The following BCAS1 variants were observed in gnomAD, a reference collection of about 807,000 sequenced individuals.
BCAS1 encodes the protein brain enriched myelin associated protein 1, also known as breast carcinoma-amplified sequence 1.
A neutral mutation model predicts 65.4 loss-of-function variants in BCAS1; 46 were observed. The observed-to-expected ratio is 0.70, with a 90% CI of 0.55 to 0.90. The LOEUF (loss-of-function observed/expected upper bound fraction) is 0.90, where lower values mean the gene tolerates loss of function less well. Among genes scored for constraint, BCAS1 ranks in the 40% least tolerant of loss-of-function variants. BCAS1 has a pLI of 0.00. For synonymous variants in BCAS1, 298 were observed against 293.5 expected (o/e 1.02, Z -0.16); for missense variants, 793 against 771.2 (o/e 1.03, Z -0.33).
At chr20:54,055,047 G>C (rs1981134709) in intron 3 of BCAS1, among the ~76,000 whole-genome samples, 1 of 152,118 alleles carries the variant, frequency 6.6e-6, no homozygotes, top group Non-Finnish European at 1.5e-5. Flanking sequence ...AAAAGAGAAA[G>C]TGAGATGGAG....
intron 4 of BCAS1, among the ~76,000 whole-genome samples, chr20:54,001,761 A>G (rs115785169): frequency 6.6e-6 from 1 of 152,336 alleles, no homozygotes; most frequent in African/African-American, 2.4e-5. Flanking sequence ...CTAATCTCAC[A>G]TTTAATTGGC....
chr20:54,060,545 T>C (rs891576611), intron 1 of BCAS1, among the ~76,000 whole-genome samples: 8 of 149,648 alleles, frequency 5.3e-5, no homozygotes, highest in African/African-American at 2.0e-4. Context: ...TGGTCTCGAG[T>C]GCCTGGCCTC....
intron 4 of BCAS1, among the ~76,000 whole-genome samples, chr20:54,007,266 G>A (rs2091218939): frequency 6.6e-6 from 1 of 152,170 alleles, no homozygotes; most frequent in African/African-American, 2.4e-5. Flanking sequence ...GACATACAGG[G>A]GATATCTATT....
rs763771867 is a variant in BCAS1, at chr20:53,966,906, C to T, written c.1485G>A (p.Met495Ile). 2.5e-6 allele frequency: 4 copies of T among 1,605,504 alleles called. No individual in the cohort carries two copies. Among genetic ancestry groups the T allele is most frequent in the Non-Finnish European group, 2.5e-6 (3 of 1,177,430 alleles). The change falls in exon 10 of 13, where the codon ATG (methionine) becomes ATA (isoleucine). Residue 495 changes from methionine (M) to isoleucine (I), a missense_variant and splice_region_variant. Coordinates refer to ENST00000688948, the MANE Select transcript of BCAS1 (RefSeq NM_001366298.2). The stretch of plus-strand genomic sequence containing the variant: ...CCTATACTGGAAGTAAGGGGCTTAC[C>T]ATTTGTCTGAGAAACGCCATCAGAG... Reference protein sequence around the residue: ...RTSLMAFLRQMSVKGDGGITH... With the variant: ...RTSLMAFLRQISVKGDGGITH...
chr20:53,953,287 G>T, intron 12 of BCAS1, 145 bp downstream of exon 12: 1 of 1,019,018 alleles, frequency 9.8e-7, no homozygotes, highest in Non-Finnish European at 1.4e-6. Flanking sequence ...CCTGCTGGAA[G>T]TCACATAGCA....
intron 4 of BCAS1, among the ~76,000 whole-genome samples, chr20:54,015,233 T>C (rs187036667): frequency 6.6e-6 from 1 of 152,114 alleles, no homozygotes; most frequent in African/African-American, 2.4e-5. Flanking sequence ...GGTTTCACCA[T>C]GTTGGCCAGG....
intron 4 of BCAS1, among the ~76,000 whole-genome samples, chr20:54,019,628 A>G (rs1321742690): frequency 6.6e-6 from 1 of 152,014 alleles, no homozygotes; most frequent in Non-Finnish European, 1.5e-5. Flanking sequence ...GGAGAAGAAG[A>G]CCCACCCTCA....
chr20:53,982,407 A>C (rs2090506030), intron 8 of BCAS1, among the ~76,000 whole-genome samples: 2 of 152,186 alleles, frequency 1.3e-5, no homozygotes, highest in Admixed American at 1.3e-4. Flanking sequence ...TTTTTATTTT[A>C]TAATAATAAC....
intron 3 of BCAS1, among the ~76,000 whole-genome samples, chr20:54,049,328 G>T (rs1252402843): frequency 6.6e-6 from 1 of 152,062 alleles, no homozygotes; most frequent in Non-Finnish European, 1.5e-5. Flanking sequence ...TCTGTTTCTG[G>T]AAAATGACGT....
chr20:53,953,767 G>A (rs2089608338), intron 11 of BCAS1, 72 bp from the exon 12 acceptor site: 1 of 1,498,074 alleles, frequency 6.7e-7, no homozygotes, highest in Non-Finnish European at 9.0e-7. Context: ...GAATAAATAT[G>A]TTAAAACAGA....
intron 11 of BCAS1, among the ~76,000 whole-genome samples, chr20:53,954,101 C>A (rs993107405): frequency 9.2e-5 from 14 of 152,130 alleles, no homozygotes; most frequent in Non-Finnish European, 1.6e-4. Context: ...CTGTGATTGG[C>A]TCAGCATAGC....
At chr20:54,035,562 C>G (rs2091887135) in intron 3 of BCAS1, among the ~76,000 whole-genome samples, 2 of 151,008 alleles carry the variant, frequency 1.3e-5, no homozygotes, top group Middle Eastern at 6.9e-3. Context: ...AAATAAGATG[C>G]TGGTGAGGTA....
chr20:54,020,551 A>G (rs576907278), intron 4 of BCAS1, among the ~76,000 whole-genome samples: 2 of 152,344 alleles, frequency 1.3e-5, no homozygotes, highest in Admixed American at 6.5e-5. Context: ...AACAGTCTGA[A>G]AAGTTGAACC....
chr20:54,025,586 A>G (rs906961673), intron 4 of BCAS1, among the ~76,000 whole-genome samples: 2 of 152,156 alleles, frequency 1.3e-5, no homozygotes, highest in Non-Finnish European at 2.9e-5. Flanking sequence ...CTTTCTCCCA[A>G]TTCACAGCTC....
rs143761949 is a variant in BCAS1, at chr20:53,985,530, A to G, written c.1063-31T>C. The G allele has an allele frequency of 2.8e-4, 442 of 1,597,422 alleles. No individual in the cohort carries two copies. The African/African-American group carries it at 5.4e-3, about 20-fold the overall frequency. On this transcript the variant is annotated intron_variant, in intron 7 of 12. Coordinates refer to ENST00000688948, the MANE Select transcript of BCAS1 (RefSeq NM_001366298.2). The stretch of plus-strand genomic sequence containing the variant: ...GAGTTAAAAAAAATGGAGGGAAAAC[A>G]TTCAAAATGGTCTCAAAATTTTAAA...
chr20:53,984,794 T>G (rs6013858), intron 8 of BCAS1, among the ~76,000 whole-genome samples: 19,133 of 152,154 alleles, frequency 0.13, 2,612 homozygotes, highest in African/African-American at 0.34. Context: ...AGCACAGTGT[T>G]TGCCTACCCT....
intron 3 of BCAS1, among the ~76,000 whole-genome samples, chr20:54,052,946 T>G (rs1023783075): frequency 4.6e-5 from 7 of 152,206 alleles, no homozygotes; most frequent in Non-Finnish European, 8.8e-5. Context: ...TCTCAAGATA[T>G]TTTTGGGTTC....
At position 53,975,410 on chromosome 20, in the gene BCAS1, G is replaced by T. The variant is rs773841809; in HGVS notation, c.1296C>A (p.Val432=). Residue 432 remains valine, a synonymous_variant, in exon 9 of 13, where the codon GTC becomes GTA. Transcript: ENST00000688948. ...FWKKSVKEDS[V]PTGAEENVVC... ...TTACATTCTCCTCCGCACCTGTGGG[G>T]ACTGAGTCCTCTTTAACTGACTAAA... 7 of 1,612,386 alleles carry T rather than the reference G, an allele frequency of 4.3e-6. No homozygotes were observed. The highest frequency in any genetic ancestry group is 3.3e-5 in the Admixed American group (2 of 59,944).
At chr20:54,030,661 C>T (rs890223711) in intron 3 of BCAS1, among the ~76,000 whole-genome samples, 6 of 151,202 alleles carry the variant, frequency 4.0e-5, no homozygotes, top group African/African-American at 1.5e-4. Context: ...TCTAGTGTCT[C>T]GCAGTGTCTA....
Sources: allele counts gnomAD v4.1 joint callset (sites outside exome capture counted in the v4.1 genomes callset), GRCh38; gene constraint gnomAD v4.1.1; transcripts MANE v1.5; gene names NCBI Gene and HGNC (gene_info 2026-07-23, HGNC 2026-07-21).